Variants in GPCPD1 observed in about 807,000 individuals in gnomAD.
GPCPD1 encodes the protein glycerophosphocholine phosphodiesterase 1.
In GPCPD1, 29 loss-of-function variants were observed where a neutral mutation model predicts 89.2. The observed-to-expected ratio is 0.33, with a 90% confidence interval of 0.24 to 0.44. GPCPD1 has a LOEUF of 0.44. Among genes scored for constraint, GPCPD1 ranks in the 20% least tolerant of loss-of-function variants. GPCPD1 has a pLI of 1.00. For synonymous variants in GPCPD1, 258 were observed against 266.3 expected, an observed-to-expected ratio of 0.97 and a Z score of 0.30; for missense variants, 594 against 808.9, an observed-to-expected ratio of 0.73 and a Z score of 3.22.
intron 19 of GPCPD1, among the ~76,000 whole-genome samples, chr20:5,557,222 C>T (rs1042219862): frequency 5.3e-5 from 8 of 152,118 alleles, no homozygotes; most frequent in African/African-American, 1.9e-4. Context: ...TAAGTAGCAA[C>T]ATGATCAGAC....
chr20:5,596,370 T>C (rs546523376), intron 3 of GPCPD1, among the ~76,000 whole-genome samples: 51 of 152,284 alleles, frequency 3.3e-4, no homozygotes, highest in African/African-American at 1.2e-3. Context: ...CCAGCCTGTG[T>C]GACAGAATGA....
chr20:5,555,410 A>G (rs1261323039), intron 19 of GPCPD1, among the ~76,000 whole-genome samples: 1 of 152,162 alleles, frequency 6.6e-6, no homozygotes, highest in Non-Finnish European at 1.5e-5. Context: ...GTGGTTGTGC[A>G]TGCCTGCAGT....
At chr20:5,553,335 A>G (rs1354893833) in intron 19 of GPCPD1, among the ~76,000 whole-genome samples, 1 of 152,122 alleles carries the variant, frequency 6.6e-6, no homozygotes, top group East Asian at 1.9e-4. Flanking sequence ...TGCTCCACTG[A>G]CCAGCCTCTC....
intron 8 of GPCPD1, among the ~76,000 whole-genome samples, chr20:5,576,633 C>G (rs1280315613): frequency 1.3e-5 from 2 of 151,916 alleles, no homozygotes; most frequent in African/African-American, 4.8e-5. Context: ...AAGCACTGCT[C>G]GAAAATTTCT....
chr20:5,596,231 T>G (rs1252949706), intron 3 of GPCPD1, among the ~76,000 whole-genome samples: 3 of 151,502 alleles, frequency 2.0e-5, no homozygotes, highest in South Asian at 4.2e-4. Context: ...TGAAACCTCA[T>G]CTCTATAAAA....
chr20:5,574,339 T>C (rs1392047784), intron 10 of GPCPD1, among the ~76,000 whole-genome samples: 1 of 152,170 alleles, frequency 6.6e-6, no homozygotes, highest in Non-Finnish European at 1.5e-5. Flanking sequence ...GACTTAATAC[T>C]GGCAGACTGT....
intron 2 of GPCPD1, among the ~76,000 whole-genome samples, 192 bp from the exon 3 acceptor site, chr20:5,599,013 CT>C (rs1979937925): frequency 6.6e-6 from 1 of 152,132 alleles, no homozygotes; most frequent in South Asian, 2.1e-4. Context: ...ACTCACCTTT[CT>C]AGAACCAAAG....
At chr20:5,576,347 G>T (rs1454060688) in intron 8 of GPCPD1, among the ~76,000 whole-genome samples, 1 of 151,066 alleles carries the variant, frequency 6.6e-6, no homozygotes, top group African/African-American at 2.4e-5. Flanking sequence ...TTGAACCCGG[G>T]AGGTGGAGGC....
intron 3 of GPCPD1, among the ~76,000 whole-genome samples, chr20:5,594,185 G>C (rs112751445): frequency 4.6e-5 from 7 of 152,312 alleles, no homozygotes; most frequent in African/African-American, 1.7e-4. Context: ...ATCATTAGTA[G>C]CTGGGAGCTT....
At chr20:5,593,270 T>C (rs1979460470) in intron 4 of GPCPD1, 57 bp downstream of exon 4, 8 of 850,240 alleles carry the variant, frequency 9.4e-6, no homozygotes, top group East Asian at 7.3e-5. Context: ...CAAACTTAAG[T>C]GAGTTGCTTT....
At chr20:5,608,419 C>A (rs989448055) in intron 1 of GPCPD1, among the ~76,000 whole-genome samples, 6 of 152,062 alleles carry the variant, frequency 3.9e-5, no homozygotes, top group African/African-American at 1.2e-4. Flanking sequence ...AAATTTGATA[C>A]CATACCAAAT....
In GPCPD1 at chr20:5,598,834, A is replaced by C. The variant is rs573339981; in HGVS notation, c.50-13T>G. The C allele has an allele frequency of 1.1e-4, 173 of 1,526,174 alleles. 3 individuals are homozygous for C. In the South Asian group the frequency reaches 1.9e-3, roughly 17 times the overall value. The allele number at this position is 1,526,174 out of a possible 1,614,324, so 94.5% of individuals were successfully genotyped here. A position where few individuals can be genotyped will look rare whatever the true frequency, so the allele number is the denominator to read the frequency against. On this transcript the variant is annotated splice_polypyrimidine_tract_variant and intron_variant, in intron 2 of 19. Transcript: ENST00000379019. The stretch of plus-strand genomic sequence containing the variant: ...GCAAAAACTTCTCCTAAAGAAACAG[A>C]ACAATCAGTCACAGAGAAACAGAAC...
intron 19 of GPCPD1, chr20:5,548,915 C>A: frequency 9.7e-7 from 1 of 1,034,360 alleles, no homozygotes; most frequent in Admixed American, 2.5e-5. Flanking sequence ...CAGGAGGTTG[C>A]TAACCCAGAA....
chr20:5,586,561 A>C (rs779698857), intron 4 of GPCPD1, among the ~76,000 whole-genome samples: 14 of 152,182 alleles, frequency 9.2e-5, no homozygotes, highest in Non-Finnish European at 1.8e-4. Flanking sequence ...TGTTTCAAAG[A>C]AATTTTCATT....
intron 11 of GPCPD1, among the ~76,000 whole-genome samples, chr20:5,571,155 C>T (rs1986689987): frequency 6.6e-6 from 1 of 152,214 alleles, no homozygotes; most frequent in African/African-American, 2.4e-5. Context: ...TGGGAATACA[C>T]ATGGATCACA....
intron 4 of GPCPD1, among the ~76,000 whole-genome samples, chr20:5,589,270 A>G (rs1305856131): frequency 6.6e-6 from 1 of 152,218 alleles, no homozygotes; most frequent in Non-Finnish European, 1.5e-5. Flanking sequence ...AGCCTACTTT[A>G]TTAAACTTTA....
In GPCPD1 at chr20:5,577,393, C is replaced by T. The variant is rs573590382; in HGVS notation, c.705+987G>A. 4.6e-5 allele frequency among the ~76,000 whole-genome samples: 7 copies of T among 150,644 alleles called. No individual in the cohort carries two copies. The East Asian group carries it at 1.4e-3, about 30-fold the overall frequency. On this transcript the variant is annotated intron_variant, in intron 8 of 19. Coordinates refer to ENST00000379019, the MANE Select transcript of GPCPD1 (RefSeq NM_019593.5). ...GTCCCAGCTACTTGAGAGGCTGAGG[C>T]ATGAGGATCACTTGCACCCAGGAGA... is the stretch of plus-strand genomic sequence containing the variant.
intron 4 of GPCPD1, among the ~76,000 whole-genome samples, chr20:5,592,958 T>C (rs1257859653): frequency 6.6e-6 from 1 of 152,174 alleles, no homozygotes; most frequent in Non-Finnish European, 1.5e-5. Flanking sequence ...TAAAACAGGC[T>C]ATATACTTCT....
At chr20:5,588,357 T>A (rs189998976) in intron 4 of GPCPD1, among the ~76,000 whole-genome samples, 4 of 150,828 alleles carry the variant, frequency 2.7e-5, no homozygotes, top group African/African-American at 9.8e-5. Context: ...ATACAAAAAT[T>A]AGCTAGGTGT....
Sources: allele counts gnomAD v4.1 joint callset (sites outside exome capture counted in the v4.1 genomes callset), GRCh38; gene constraint gnomAD v4.1.1; transcripts MANE v1.5; gene names NCBI Gene and HGNC (gene_info 2026-07-23, HGNC 2026-07-21).